The following ATP9A variants were observed in gnomAD, a reference collection of about 807,000 sequenced individuals.
The protein encoded by ATP9A is ATPase phospholipid transporting 9A, also known as probable phospholipid-transporting ATPase IIA.
Under a neutral mutation model 144.1 loss-of-function variants are expected in ATP9A, and 52 were observed. The observed-to-expected ratio is 0.36, with a 90% CI of 0.29 to 0.45. The LOEUF is 0.45. ATP9A is among the 20% of genes least tolerant of loss of function. The pLI, the probability that ATP9A is intolerant of heterozygous loss-of-function variation, is 1.00. For synonymous variants in ATP9A, 582 were observed against 557.4 expected, an observed-to-expected ratio of 1.04 and a Z score of -0.62; for missense variants, 947 against 1,392.7, an observed-to-expected ratio of 0.68 and a Z score of 5.09.
chr20:51,725,865 A>G lies in ATP9A; in HGVS notation c.281T>C (p.Val94Ala). The change falls in exon 3 of 28, where the codon GTT becomes GCT. Residue 94 changes from valine (V) to alanine (A), a missense_variant. This residue lies in a region of ATP9A where 770 missense variants were observed against 1,047.9 expected (regional missense o/e 0.73). Transcript: ENST00000338821. ...GAGTGCACCAAGTCTCATTTCGGGA[A>G]CAAACTGAGAGCAGGCAAGAAGTAA... is the stretch of plus-strand genomic sequence containing the variant. Reference protein sequence around the residue: ...YFLLLACSQFVPEMRLGALYT... With the variant: ...YFLLLACSQFAPEMRLGALYT... 6.2e-7 allele frequency: 1 copy of G among 1,613,886 alleles called. No individual in the cohort carries two copies. Among genetic ancestry groups the G allele is most frequent in the Non-Finnish European group, 8.5e-7 (1 of 1,179,724 alleles).
chr20:51,701,741 T>C (rs1453344612), intron 4 of ATP9A, among the ~76,000 whole-genome samples: 1 of 152,246 alleles, frequency 6.6e-6, no homozygotes, highest in Admixed American at 6.5e-5. Context: ...TGCAGTGTTT[T>C]GAGGGGATGA....
intron 5 of ATP9A, among the ~76,000 whole-genome samples, chr20:51,696,643 T>C (rs567543193): frequency 1.4e-4 from 22 of 152,310 alleles, no homozygotes; most frequent in African/African-American, 5.3e-4. Context: ...GTAGCCCCCA[T>C]TTAATTATGA....
At position 51,730,029 on chromosome 20, in the gene ATP9A, T is replaced by C. The variant is rs372810856; in HGVS notation, c.69-51A>G. 5.6e-6 allele frequency: 8 copies of C among 1,422,608 alleles called. No homozygotes were observed. The African/African-American group carries it at 8.7e-5, about 16-fold the overall frequency. The allele number at this position is 1,422,608 out of a possible 1,614,324, so 88.1% of individuals were successfully genotyped here. A position where few individuals can be genotyped will look rare whatever the true frequency, so the allele number is the denominator to read the frequency against. ...AGGCCACGCCCACGCATCGAGGCTG[T>C]GCTCATGTCTGCCCACTCTTCGCAG... On this transcript the variant is annotated intron_variant, in intron 1 of 27. Transcript: ENST00000338821.
intron 13 of ATP9A, 58 bp from the exon 14 acceptor site, chr20:51,657,208 T>C: frequency 6.9e-7 from 1 of 1,452,232 alleles, no homozygotes; most frequent in East Asian, 2.3e-5. Flanking sequence ...ATTTGGAGAG[T>C]GGAAGAACAG....
At chr20:51,642,725 CCAAAAAAAAAAAAAAA>C (rs1192146792) in intron 14 of ATP9A, among the ~76,000 whole-genome samples, 8 of 65,576 alleles carry the variant, frequency 1.2e-4, no homozygotes, top group African/African-American at 2.0e-4. Flanking sequence ...GACTCTGTCT[CCAAAAAAAAAAAAAAA>C]AAAAAAAAAA....
At chr20:51,716,521 G>A (rs1297796768) in intron 3 of ATP9A, among the ~76,000 whole-genome samples, 1 of 151,820 alleles carries the variant, frequency 6.6e-6, no homozygotes, top group African/African-American at 2.4e-5. Flanking sequence ...GGGCATGGTG[G>A]CTCGTGCTAT....
At position 51,597,838 on chromosome 20, in the gene ATP9A, A is replaced by G. The variant is rs541744077; in HGVS notation, c.*3373T>C. On this transcript the variant is annotated 3_prime_UTR_variant, in exon 28 of 28. Transcript: ENST00000338821. ...TGGCTTACATTTTCAGCAGAGAAGA[A>G]ACTGAGGAAATGTTCATAAAGAGAC... 7.4e-4 allele frequency: 113 copies of G among 152,256 alleles called. No individual in the cohort carries two copies. The highest frequency in any genetic ancestry group is 2.6e-3 in the African/African-American group (107 of 41,538). 9.4% of individuals were successfully genotyped at this position (152,256 alleles called of 1,614,324 possible).
chr20:51,727,916 G>C (rs2077722388), intron 2 of ATP9A, among the ~76,000 whole-genome samples: 1 of 119,280 alleles, frequency 8.4e-6, no homozygotes, highest in Non-Finnish European at 1.7e-5. Context: ...GGGCAACAGA[G>C]GGAGACTCAG....
intron 4 of ATP9A, among the ~76,000 whole-genome samples, chr20:51,701,289 C>G (rs1163671626): frequency 1.3e-5 from 2 of 152,174 alleles, no homozygotes; most frequent in African/African-American, 4.8e-5. Context: ...AGGACAAAAT[C>G]AGGGAGATTT....
Position 51,625,214 on chromosome 20 carries a change from G to A in ATP9A, c.1994C>T (p.Thr665Ile). Reference sequence around the variant, plus strand: ...TACCTTGATGCCAGCATTCCTCAGGGTCTCCAGCGTGGGCCGCACATCTGC... The same window carrying A: ...TACCTTGATGCCAGCATTCCTCAGGATCTCCAGCGTGGGCCGCACATCTGC... ...LQADVRPTLETLRNAGIKVWM... is the reference protein window; with the variant it reads ...LQADVRPTLEILRNAGIKVWM... The change falls in exon 18 of 28, where the codon ACC becomes ATC. Residue 665 changes from threonine (T) to isoleucine (I), a missense_variant. Physicochemically the swap from Thr to Ile is moderately conservative, Grantham distance 89 (BLOSUM62 -1). Coordinates refer to ENST00000338821, the MANE Select transcript of ATP9A (RefSeq NM_006045.3). 1 of 1,613,240 alleles carries A rather than the reference G, an allele frequency of 6.2e-7. No homozygotes were observed. The highest frequency in any genetic ancestry group is 8.5e-7 in the Non-Finnish European group (1 of 1,179,908).
chr20:51,664,506 T>C (rs1009140885), intron 13 of ATP9A, among the ~76,000 whole-genome samples: 4 of 152,016 alleles, frequency 2.6e-5, no homozygotes, highest in Non-Finnish European at 5.9e-5. Context: ...GAAGATCACC[T>C]GAGCCTGAGG....
At chr20:51,721,637 A>T (rs372331725) in intron 3 of ATP9A, among the ~76,000 whole-genome samples, 1 of 151,824 alleles carries the variant, frequency 6.6e-6, no homozygotes, top group Admixed American at 6.6e-5. Flanking sequence ...CCTCTCTACT[A>T]AAAATACAAA....
chr20:51,653,545 G>GGAGGCT, intron 14 of ATP9A, among the ~76,000 whole-genome samples: 1 of 152,262 alleles, frequency 6.6e-6, no homozygotes, highest in East Asian at 1.9e-4. Flanking sequence ...CAGCACTTTA[G>GGAGGCT]GAGGCTGAGG....
intron 1 of ATP9A, among the ~76,000 whole-genome samples, chr20:51,766,487 G>A (rs6123082): frequency 0.23 from 35,323 of 152,030 alleles, 5,122 homozygotes; most frequent in East Asian, 0.52. Flanking sequence ...CAGTATTTAC[G>A]GAGGATGTAC....
chr20:51,733,134 T>C (rs1187814137), intron 1 of ATP9A, among the ~76,000 whole-genome samples: 1 of 152,218 alleles, frequency 6.6e-6, no homozygotes, highest in African/African-American at 2.4e-5. Flanking sequence ...ATGCTATTTA[T>C]TAATTACTTA....
At chr20:51,615,469 C>A (rs1312520816) in intron 22 of ATP9A, among the ~76,000 whole-genome samples, 1 of 151,934 alleles carries the variant, frequency 6.6e-6, no homozygotes, top group Admixed American at 6.6e-5. Flanking sequence ...TAAAAAAATA[C>A]ATGAAAATTA....
In ATP9A at chr20:51,597,425, T is replaced by C. The variant is rs1037884593; in HGVS notation, c.*3786A>G. The C allele has an allele frequency of 1.3e-5, 2 of 152,214 alleles. No homozygotes were observed. The highest frequency in any genetic ancestry group is 4.8e-5 in the African/African-American group (2 of 41,444). The allele number at this position is 152,214 out of a possible 1,614,324, so 9.4% of individuals were successfully genotyped here. The stretch of plus-strand genomic sequence containing the variant: ...TGTGTTGTATTTACAAAGCTCTTTG[T>C]ATATTTTTTTAAATGAAAACAAAGC... On this transcript the variant is annotated 3_prime_UTR_variant, in exon 28 of 28. Coordinates refer to ENST00000338821, the MANE Select transcript of ATP9A (RefSeq NM_006045.3).
rs567568170 is a variant in ATP9A at position 51,709,166 on chromosome 20, A to G, written c.436+3800T>C. ...AAGGGAATGTCTGCAACTTGTCTCA[A>G]ATGACCCCAGATATACCTATATGTA... On this transcript the variant is annotated intron_variant, in intron 4 of 27. Transcript: ENST00000338821. 2.0e-5 allele frequency among the ~76,000 whole-genome samples: 3 copies of G among 152,328 alleles called. No homozygotes were observed. The South Asian group carries it at 6.2e-4, about 32-fold the overall frequency.
intron 27 of ATP9A, among the ~76,000 whole-genome samples, chr20:51,603,790 A>G (rs935515813): frequency 3.3e-5 from 5 of 151,630 alleles, no homozygotes; most frequent in Non-Finnish European, 7.4e-5. Flanking sequence ...TTATTTATTT[A>G]TTTATTTAGA....
Sources: gnomAD v4.1 joint callset for allele counts (sites outside exome capture counted in the v4.1 genomes callset) on GRCh38, gnomAD v4.1.1 for gene constraint, gnomAD v4.1.1 regional missense constraint, MANE v1.5 for transcripts, NCBI Gene and HGNC (gene_info 2026-07-23, HGNC 2026-07-21) for gene names.